Variants in CDK19 observed in about 807,000 individuals in gnomAD.
CDK19 encodes cyclin dependent kinase 19.
Under a neutral mutation model 68.3 loss-of-function variants are expected in CDK19, and 20 were observed. That is an observed-to-expected ratio of 0.29 (90% confidence interval 0.21 to 0.43). CDK19 has a LOEUF of 0.43. Among genes scored for constraint, CDK19 ranks in the 20% least tolerant of loss-of-function variants. CDK19 has a pLI of 1.00. For missense variants in CDK19, 339 were observed against 623.5 expected, an observed-to-expected ratio of 0.54 and a Z score of 4.86; for synonymous variants, 221 against 222.8, an observed-to-expected ratio of 0.99 and a Z score of 0.07.
intron 2 of CDK19, among the ~76,000 whole-genome samples, chr6:110,692,842 C>G (rs1249722136): frequency 6.6e-6 from 1 of 152,072 alleles, no homozygotes; most frequent in African/African-American, 2.4e-5. Flanking sequence ...ACTAAAAATA[C>G]AAACATTAGC....
At chr6:110,695,240 C>T (rs1773370780) in intron 2 of CDK19, among the ~76,000 whole-genome samples, 1 of 152,176 alleles carries the variant, frequency 6.6e-6, no homozygotes, top group South Asian at 2.1e-4. Flanking sequence ...ATTAAATAAT[C>T]TGCTCCTGAA....
At chr6:110,633,245 AGACT>A (rs1204766686) in intron 5 of CDK19, among the ~76,000 whole-genome samples, 1 of 151,852 alleles carries the variant, frequency 6.6e-6, no homozygotes, top group Non-Finnish European at 1.5e-5. Flanking sequence ...AGACAGAGCA[AGACT>A]GTCTCAAAAC....
intron 4 of CDK19, among the ~76,000 whole-genome samples, chr6:110,654,711 C>A (rs990125167): frequency 6.6e-6 from 1 of 152,106 alleles, no homozygotes; most frequent in Non-Finnish European, 1.5e-5. Flanking sequence ...GAGGCCAAGG[C>A]GGGCAGATGA....
intron 8 of CDK19, among the ~76,000 whole-genome samples, chr6:110,625,142 C>T (rs1312365985): frequency 2.6e-5 from 4 of 152,118 alleles, no homozygotes; most frequent in Admixed American, 2.6e-4. Flanking sequence ...TCTCGCTACA[C>T]AAATGTAGCT....
intron 4 of CDK19, chr6:110,646,350 T>C (rs1582766997): frequency 1.0e-5 from 15 of 1,464,674 alleles, no homozygotes; most frequent in Non-Finnish European, 1.3e-5. Context: ...GCACTTCGAG[T>C]GCCTCTTCCA....
At chr6:110,746,602 C>T (rs1778093692) in intron 1 of CDK19, among the ~76,000 whole-genome samples, 3 of 152,156 alleles carry the variant, frequency 2.0e-5, no homozygotes, top group South Asian at 4.1e-4. Context: ...GACATAAACT[C>T]CCAGATTCAT....
At chr6:110,765,845 G>A (rs958354936) in intron 1 of CDK19, among the ~76,000 whole-genome samples, 1 of 151,994 alleles carries the variant, frequency 6.6e-6, no homozygotes, top group Admixed American at 6.6e-5. Flanking sequence ...ACAGGTATAC[G>A]AAAAATGTTC....
intron 2 of CDK19, among the ~76,000 whole-genome samples, chr6:110,680,994 C>T (rs1771964465): frequency 6.6e-6 from 1 of 151,164 alleles, no homozygotes; most frequent in South Asian, 2.1e-4. Context: ...GAGACTCTGT[C>T]TCAAAATAAA....
rs1453346133 is a variant in CDK19, at chr6:110,621,579, C to A, written c.1111-209G>T. Among the ~76,000 whole-genome samples, 1 of 152,158 alleles carries A rather than the reference C, an allele frequency of 6.6e-6. No individual in the cohort carries two copies. The highest frequency in any genetic ancestry group is 1.5e-5 in the Non-Finnish European group (1 of 68,034). On this transcript the variant is annotated intron_variant, in intron 11 of 12. Coordinates refer to ENST00000368911, the MANE Select transcript of CDK19 (RefSeq NM_015076.5). The surrounding 1 kb of genome is among the most constrained non-coding windows in gnomAD (Gnocchi z 5.4). ...GCTGAGCCCCAAACAGGACTCTTTC[C>A]CTGAAGTTCATTTAGACTGCACAGT... is the stretch of plus-strand genomic sequence containing the variant.
At chr6:110,639,547 T>G (rs1779996089) in intron 4 of CDK19, among the ~76,000 whole-genome samples, 2 of 152,190 alleles carry the variant, frequency 1.3e-5, no homozygotes, top group Admixed American at 6.5e-5. Context: ...CTCCAGACGC[T>G]TACTACATAA....
intron 1 of CDK19, among the ~76,000 whole-genome samples, chr6:110,796,499 CA>C (rs1781945603): frequency 6.7e-6 from 1 of 149,290 alleles, no homozygotes; most frequent in South Asian, 2.1e-4. Context: ...ACAAAAACTA[CA>C]AAAATTAGCT....
At chr6:110,802,957 A>G (rs1356298345) in intron 1 of CDK19, among the ~76,000 whole-genome samples, 2 of 152,246 alleles carry the variant, frequency 1.3e-5, no homozygotes, top group Non-Finnish European at 2.9e-5. Context: ...CATATTATTT[A>G]AAGTTATAAT....
intron 2 of CDK19, among the ~76,000 whole-genome samples, chr6:110,723,899 A>G (rs1776130027): frequency 6.6e-6 from 1 of 152,156 alleles, no homozygotes; most frequent in Non-Finnish European, 1.5e-5. Context: ...CCCGTTATCT[A>G]GAAAAAAATG....
intron 1 of CDK19, among the ~76,000 whole-genome samples, chr6:110,812,344 G>A (rs1454803818): frequency 2.0e-5 from 3 of 151,938 alleles, no homozygotes; most frequent in African/African-American, 7.2e-5. Flanking sequence ...GGATGGTCTC[G>A]ATCTCCTGAC....
intron 6 of CDK19, among the ~76,000 whole-genome samples, chr6:110,629,708 A>AT (rs1201398429): frequency 2.4e-4 from 36 of 152,222 alleles, no homozygotes; most frequent in African/African-American, 8.4e-4. Flanking sequence ...GAAAAAGTGA[A>AT]TAAGTATGTA....
intron 8 of CDK19, among the ~76,000 whole-genome samples, chr6:110,625,409 C>A (rs1170109932): frequency 6.6e-6 from 1 of 152,020 alleles, no homozygotes; most frequent in Non-Finnish European, 1.5e-5. Flanking sequence ...GATCTTCCCA[C>A]CTCAGCCTCC....
intron 1 of CDK19, among the ~76,000 whole-genome samples, chr6:110,784,274 A>C (rs1308384269): frequency 6.6e-6 from 1 of 152,162 alleles, no homozygotes; most frequent in Non-Finnish European, 1.5e-5. Flanking sequence ...AGAATATAAA[A>C]AGAACTCTTA....
intron 1 of CDK19, among the ~76,000 whole-genome samples, chr6:110,779,005 A>G (rs973809244): frequency 1.3e-5 from 2 of 152,140 alleles, no homozygotes; most frequent in African/African-American, 4.8e-5. Flanking sequence ...CAGTGTGAGA[A>G]ATATACCTCT....
intron 4 of CDK19, among the ~76,000 whole-genome samples, chr6:110,663,467 G>A (rs1387992311): frequency 6.6e-6 from 1 of 152,134 alleles, no homozygotes; most frequent in Non-Finnish European, 1.5e-5. Flanking sequence ...CAGATATCAG[G>A]ACTCAAGATT....
Sources: allele counts gnomAD v4.1 joint callset (sites outside exome capture counted in the v4.1 genomes callset), GRCh38; gene constraint gnomAD v4.1.1; non-coding constraint Gnocchi (gnomAD v3.1); transcripts MANE v1.5; gene names NCBI Gene and HGNC (gene_info 2026-07-23, HGNC 2026-07-21).